The following TRAPPC9 variants were observed in gnomAD, a reference collection of about 807,000 sequenced individuals.
The protein encoded by TRAPPC9 is IKK2 binding protein.
In TRAPPC9, 83 loss-of-function variants were observed where a neutral mutation model predicts 124.0. That is an observed-to-expected ratio of 0.67 (90% CI 0.56 to 0.80). TRAPPC9 has a LOEUF of 0.80. TRAPPC9 is among the 30% of genes least tolerant of loss of function. The pLI, the probability that TRAPPC9 is intolerant of heterozygous loss-of-function variation, is 0.00. For missense variants in TRAPPC9, 1,302 were observed against 1,508.3 expected, an observed-to-expected ratio of 0.86 and a Z score of 2.27; for synonymous variants, 638 against 617.5, an observed-to-expected ratio of 1.03 and a Z score of -0.49.
intron 20 of TRAPPC9, among the ~76,000 whole-genome samples, chr8:139,886,318 G>T (rs1164496012): frequency 6.6e-6 from 1 of 152,202 alleles, no homozygotes; most frequent in East Asian, 1.9e-4. Context: ...ATGCAAACTG[G>T]TTCACTGTTC....
chr8:139,925,620 C>T (rs1467269988), intron 19 of TRAPPC9, among the ~76,000 whole-genome samples: 7 of 151,886 alleles, frequency 4.6e-5, no homozygotes, highest in African/African-American at 1.7e-4. Context: ...TGGTAGTGCA[C>T]GCCTGTAATC....
At chr8:140,453,981 G>A (rs905132984) in intron 1 of TRAPPC9, among the ~76,000 whole-genome samples, 2 of 152,160 alleles carry the variant, frequency 1.3e-5, no homozygotes, top group African/African-American at 4.8e-5. Context: ...AGGTAACAAA[G>A]GGCCTTATTT....
At chr8:139,867,644 C>A (rs1180601446) in intron 21 of TRAPPC9, among the ~76,000 whole-genome samples, 1 of 152,214 alleles carries the variant, frequency 6.6e-6, no homozygotes, top group Non-Finnish European at 1.5e-5. Context: ...AAGGACTCAG[C>A]CTCACTTTTG....
intron 17 of TRAPPC9, among the ~76,000 whole-genome samples, chr8:140,167,440 T>C (rs6578075): frequency 0.97 from 148,340 of 152,264 alleles, 72,281 homozygotes; most frequent in East Asian, 1. Context: ...CAGCACCCCT[T>C]TGAATCCTCA....
At chr8:139,859,850 G>A (rs1187358466) in intron 21 of TRAPPC9, among the ~76,000 whole-genome samples, 1 of 152,200 alleles carries the variant, frequency 6.6e-6, no homozygotes, top group Non-Finnish European at 1.5e-5. Flanking sequence ...GGAGAGGGAA[G>A]GGACCTGCTC....
intron 17 of TRAPPC9, among the ~76,000 whole-genome samples, chr8:140,039,220 C>T (rs1431444834): frequency 1.3e-5 from 2 of 152,218 alleles, no homozygotes; most frequent in African/African-American, 4.8e-5. Context: ...GGGCCACGTG[C>T]CCTATTAACC....
At chr8:139,917,214 C>G (rs1411538720) in intron 19 of TRAPPC9, among the ~76,000 whole-genome samples, 1 of 131,274 alleles carries the variant, frequency 7.6e-6, no homozygotes, top group Admixed American at 8.3e-5. Context: ...CGCTCTGTTG[C>G]CCAGGACGGA....
chr8:139,946,604 A>G (rs1834235219), intron 19 of TRAPPC9, among the ~76,000 whole-genome samples: 1 of 152,078 alleles, frequency 6.6e-6, no homozygotes, highest in Admixed American at 6.6e-5. Flanking sequence ...CAGATAATAA[A>G]GATGTTAGGT....
In TRAPPC9 at chr8:139,748,630, G is replaced by A. The variant is rs146921155; in HGVS notation, c.3056-16428C>T. 1.8e-3 allele frequency among the ~76,000 whole-genome samples: 268 copies of A among 152,068 alleles called. 4 individuals are homozygous for A. The Middle Eastern group carries it at 0.037, about 21-fold the overall frequency. Reference sequence around the variant, plus strand: ...GGGGCTGCAGCTGGTTTTCTGTGCCGGGCCTTGCATAGGCTGCTTGTTGGC... The same window carrying A: ...GGGGCTGCAGCTGGTTTTCTGTGCCAGGCCTTGCATAGGCTGCTTGTTGGC... On this transcript the variant is annotated intron_variant, in intron 21 of 22. Transcript: ENST00000438773.
At chr8:140,076,181 TAAGGA>T (rs1023249155) in intron 17 of TRAPPC9, among the ~76,000 whole-genome samples, 1 of 152,116 alleles carries the variant, frequency 6.6e-6, no homozygotes, top group Non-Finnish European at 1.5e-5. Flanking sequence ...CGAGTCTACA[TAAGGA>T]AGAGAGTTTC....
chr8:139,780,168 T>G (rs1170139142), intron 21 of TRAPPC9, among the ~76,000 whole-genome samples: 1 of 152,134 alleles, frequency 6.6e-6, no homozygotes, highest in African/African-American at 2.4e-5. Flanking sequence ...GATTCTAAAG[T>G]TTATATGGAG....
intron 8 of TRAPPC9, among the ~76,000 whole-genome samples, chr8:140,361,701 C>G (rs930279863): frequency 2.6e-5 from 4 of 151,984 alleles, no homozygotes; most frequent in Admixed American, 6.5e-5. Flanking sequence ...TTTTTTAAAT[C>G]CCTATTGAGA....
At chr8:140,168,686 G>A (rs765719028) in intron 17 of TRAPPC9, among the ~76,000 whole-genome samples, 3 of 152,200 alleles carry the variant, frequency 2.0e-5, no homozygotes, top group Non-Finnish European at 2.9e-5. Context: ...AAGGACAGAC[G>A]GATTGAGGGC....
intron 21 of TRAPPC9, among the ~76,000 whole-genome samples, chr8:139,821,889 G>C (rs917931210): frequency 6.6e-6 from 1 of 152,184 alleles, no homozygotes; most frequent in African/African-American, 2.4e-5. Flanking sequence ...CATGGAGCTC[G>C]ACGGAGAGAA....
In TRAPPC9 at chr8:140,410,565, C is replaced by T. The variant is rs1166807452; in HGVS notation, c.887-4867G>A. ...ATAAAACAACAACAAAAAAAAAGGC[C>T]GGGCGCAGTGGCTCACGCCTGTAAT... On this transcript the variant is annotated intron_variant, in intron 5 of 22. Transcript: ENST00000438773. Among the ~76,000 whole-genome samples, 5 of 152,006 alleles carry T rather than the reference C, an allele frequency of 3.3e-5. No homozygotes were observed. In the South Asian group the frequency reaches 8.3e-4, roughly 25 times the overall value.
intron 5 of TRAPPC9, among the ~76,000 whole-genome samples, chr8:140,425,593 T>A (rs1261569903): frequency 6.6e-6 from 1 of 151,992 alleles, no homozygotes; most frequent in Non-Finnish European, 1.5e-5. Context: ...CACATCTAAT[T>A]CTCCTACAAC....
chr8:139,777,889 A>C (rs1821503176), intron 21 of TRAPPC9, among the ~76,000 whole-genome samples: 1 of 152,160 alleles, frequency 6.6e-6, no homozygotes. Context: ...AAAGACTGTG[A>C]GTTGAGGAGC....
chr8:140,017,936 T>C (rs903974121), intron 18 of TRAPPC9, among the ~76,000 whole-genome samples: 1 of 152,096 alleles, frequency 6.6e-6, no homozygotes, highest in Non-Finnish European at 1.5e-5. Context: ...TTCCACCTCC[T>C]GGGTTCAGGT....
At chr8:140,004,540 G>C (rs1838624211) in intron 18 of TRAPPC9, among the ~76,000 whole-genome samples, 1 of 152,112 alleles carries the variant, frequency 6.6e-6, no homozygotes, top group Admixed American at 6.5e-5. Flanking sequence ...CAACGCCTAT[G>C]CTATGGAATT....
Sources: allele counts gnomAD v4.1 joint callset (sites outside exome capture counted in the v4.1 genomes callset), GRCh38; gene constraint gnomAD v4.1.1; transcripts MANE v1.5; gene names NCBI Gene and HGNC (gene_info 2026-07-23, HGNC 2026-07-21).